UTRN: variants seen among roughly 807,000 people sequenced by gnomAD.
UTRN encodes dystrophin-related protein 1.
In UTRN, 283 loss-of-function variants were observed where a neutral mutation model predicts 463.9. The observed-to-expected ratio is 0.61, with a 90% confidence interval of 0.55 to 0.67. The LOEUF is 0.67. UTRN is among the 30% of genes least tolerant of loss of function. UTRN has a pLI of 0.00. For synonymous variants in UTRN, 1,442 were observed against 1,431.5 expected, an observed-to-expected ratio of 1.01 and a Z score of -0.17; for missense variants, 3,922 against 4,084.3, an observed-to-expected ratio of 0.96 and a Z score of 1.08.
chr6:144,790,932 A>ATT (rs1776705275), intron 62 of UTRN, among the ~76,000 whole-genome samples: 1 of 152,230 alleles, frequency 6.6e-6, no homozygotes, highest in South Asian at 2.1e-4. Context: ...ATAATTCAAC[A>ATT]TTAACTTTCA....
chr6:144,628,420 G>A (rs1048244977), intron 51 of UTRN, among the ~76,000 whole-genome samples: 1 of 151,924 alleles, frequency 6.6e-6, no homozygotes, highest in Non-Finnish European at 1.5e-5. Context: ...TTTGAAATGT[G>A]TGCAGAACTC....
At chr6:144,340,448 G>C (rs548446386) in intron 2 of UTRN, among the ~76,000 whole-genome samples, 123 of 152,224 alleles carry the variant, frequency 8.1e-4, no homozygotes, top group Non-Finnish European at 1.2e-3. Context: ...GGCTGATGCT[G>C]CTGGGTGTAT....
At chr6:144,600,441 G>A (rs1277228638) in intron 51 of UTRN, among the ~76,000 whole-genome samples, 3 of 152,188 alleles carry the variant, frequency 2.0e-5, no homozygotes, top group African/African-American at 7.2e-5. Context: ...AAGCAAAATA[G>A]CCTTACTGTT....
intron 5 of UTRN, 34 bp from the exon 6 acceptor site, chr6:144,423,952 G>T: frequency 6.2e-7 from 1 of 1,600,272 alleles, no homozygotes; most frequent in South Asian, 1.1e-5. Flanking sequence ...TCTTAAAAGC[G>T]TTTTTGTTTT....
At chr6:144,554,209 C>CA (rs921589314) in intron 48 of UTRN, among the ~76,000 whole-genome samples, 115 of 150,928 alleles carry the variant, frequency 7.6e-4, no homozygotes, top group Non-Finnish European at 4.6e-4. Context: ...AAAACAAATG[C>CA]AAAAAAAAAT....
chr6:144,623,526 A>T lies in UTRN; in HGVS notation c.7479+46238A>T, dbSNP rs1047989924. Among the ~76,000 whole-genome samples, 11 of 152,284 alleles carry T rather than the reference A, an allele frequency of 7.2e-5. No individual in the cohort carries two copies. In the East Asian group the frequency reaches 2.1e-3, roughly 29 times the overall value. The stretch of plus-strand genomic sequence containing the variant: ...GATCCCCTTTGGAACACTGGGGAAG[A>T]TTGAAGATTGCTTTTAATTTCATTA... On this transcript the variant is annotated intron_variant, in intron 51 of 74. Coordinates refer to ENST00000367545, the MANE Select transcript of UTRN (RefSeq NM_007124.3).
At chr6:144,657,165 G>T (rs868066555) in intron 51 of UTRN, among the ~76,000 whole-genome samples, 1 of 150,104 alleles carries the variant, frequency 6.7e-6, no homozygotes, top group Non-Finnish European at 1.5e-5. Context: ...CAGGAGAATC[G>T]CTTGAACTTG....
chr6:144,389,734 G>T (rs559875346), intron 2 of UTRN, among the ~76,000 whole-genome samples: 1 of 152,272 alleles, frequency 6.6e-6, no homozygotes, highest in East Asian at 1.9e-4. Flanking sequence ...GAGTAGCTGG[G>T]ATTGCAGGCG....
intron 2 of UTRN, among the ~76,000 whole-genome samples, chr6:144,389,788 AG>A (rs1357121388): frequency 2.6e-5 from 4 of 152,078 alleles, no homozygotes; most frequent in Non-Finnish European, 4.4e-5. Flanking sequence ...TGCTAGAGAC[AG>A]GGTTTTACCA....
At chr6:144,469,418 C>T (rs925362650) in intron 23 of UTRN, among the ~76,000 whole-genome samples, 3 of 152,116 alleles carry the variant, frequency 2.0e-5, no homozygotes, top group African/African-American at 7.2e-5. Flanking sequence ...AACAACCAGA[C>T]AAGATAGTTG....
intron 2 of UTRN, among the ~76,000 whole-genome samples, chr6:144,357,899 C>G (rs1778709825): frequency 6.6e-6 from 1 of 152,224 alleles, no homozygotes; most frequent in Admixed American, 6.5e-5. Context: ...TAGTCAATTC[C>G]TTGCTGTAGG....
At chr6:144,764,291 G>A (rs1303027429) in intron 58 of UTRN, among the ~76,000 whole-genome samples, 2 of 152,136 alleles carry the variant, frequency 1.3e-5, no homozygotes, top group Non-Finnish European at 2.9e-5. Context: ...CCAGCAAACC[G>A]TCACTGGGAA....
intron 2 of UTRN, among the ~76,000 whole-genome samples, chr6:144,395,007 G>C (rs1393003496): frequency 6.6e-6 from 1 of 152,004 alleles, no homozygotes; most frequent in Non-Finnish European, 1.5e-5. Flanking sequence ...TATACATCTA[G>C]AATTATATGT....
chr6:144,699,468 C>A (rs1586087624), intron 52 of UTRN, among the ~76,000 whole-genome samples: 2 of 95,656 alleles, frequency 2.1e-5, no homozygotes, highest in African/African-American at 8.0e-5. Context: ...AATAATTAGT[C>A]AGTGGTTTTT....
intron 66 of UTRN, among the ~76,000 whole-genome samples, chr6:144,824,281 C>T (rs1445330629): frequency 6.6e-6 from 1 of 151,614 alleles, no homozygotes; most frequent in Non-Finnish European, 1.5e-5. Flanking sequence ...ATCCCACTTA[C>T]CCTGCTCTGG....
chr6:144,291,287 C>T (rs946770848), intron 1 of UTRN, among the ~76,000 whole-genome samples: 1 of 152,232 alleles, frequency 6.6e-6, no homozygotes, highest in African/African-American at 2.4e-5. Context: ...GTGCTCCATT[C>T]TTTGACTGCT....
intron 51 of UTRN, among the ~76,000 whole-genome samples, chr6:144,674,406 GT>G (rs536049361): frequency 1.6e-4 from 24 of 145,754 alleles, no homozygotes; most frequent in African/African-American, 4.5e-4. Context: ...GAGCTCTAAA[GT>G]TTTTTTTTTC....
At chr6:144,594,731 G>A (rs942944191) in intron 51 of UTRN, among the ~76,000 whole-genome samples, 1 of 152,036 alleles carries the variant, frequency 6.6e-6, no homozygotes, top group African/African-American at 2.4e-5. Flanking sequence ...GAGCACTTTT[G>A]TCTCTTCTTA....
intron 27 of UTRN, 74 bp downstream of exon 27, chr6:144,482,462 A>G: frequency 9.8e-7 from 1 of 1,023,320 alleles, no homozygotes; most frequent in Non-Finnish European, 1.2e-6. Flanking sequence ...TGTATTTCTG[A>G]GATCCAAACT....
Sources: gnomAD v4.1 joint callset for allele counts (sites outside exome capture counted in the v4.1 genomes callset) on GRCh38, gnomAD v4.1.1 for gene constraint, MANE v1.5 for transcripts, NCBI Gene and HGNC (gene_info 2026-07-23, HGNC 2026-07-21) for gene names.